The following TUSC3 variants were observed in gnomAD, a reference collection of about 807,000 sequenced individuals.
TUSC3 encodes the protein dolichyl-diphosphooligosaccharide--protein glycosyltransferase subunit TUSC3.
Under a neutral mutation model 44.8 loss-of-function variants are expected in TUSC3, and 45 were observed. The observed-to-expected ratio is 1.00, with a 90% CI of 0.79 to 1.29. TUSC3 has a LOEUF of 1.29. TUSC3 is among the 50% of genes most tolerant of loss of function. The pLI is 0.00. For missense variants in TUSC3, 519 were observed against 437.9 expected, an observed-to-expected ratio of 1.19 and a Z score of -1.65; for synonymous variants, 212 against 152.9, an observed-to-expected ratio of 1.39 and a Z score of -2.85.
chr8:15,646,807 G>A (rs1436435631), intron 2 of TUSC3, among the ~76,000 whole-genome samples: 2 of 152,034 alleles, frequency 1.3e-5, no homozygotes, highest in Non-Finnish European at 2.9e-5. Context: ...AAAAATAGCT[G>A]TAAATGTTAT....
intron 6 of TUSC3, among the ~76,000 whole-genome samples, chr8:15,679,913 C>T (rs1808345664): frequency 6.6e-6 from 1 of 152,078 alleles, no homozygotes; most frequent in Non-Finnish European, 1.5e-5. Context: ...AACTTTACTT[C>T]TGGGTCGTCT....
chr8:15,820,231 T>A, the TUSC3 span, among the ~76,000 whole-genome samples: 21,330 of 152,062 alleles, frequency 0.14, 1,655 homozygotes, highest in East Asian at 0.25. Context: ...ATGCTTCTTA[T>A]ATATTGTTGG....
At chr8:15,755,035 T>C (rs1302688802) in intron 9 of TUSC3, among the ~76,000 whole-genome samples, 1 of 152,128 alleles carries the variant, frequency 6.6e-6, no homozygotes. Context: ...TAAATATTTA[T>C]CCTATAGTCT....
At chr8:15,823,487 G>T in the TUSC3 span, among the ~76,000 whole-genome samples, 1 of 152,006 alleles carries the variant, frequency 6.6e-6, no homozygotes, top group Non-Finnish European at 1.5e-5. Context: ...TTTCCTCCAA[G>T]ATATTGAAGT....
chr8:15,738,805 A>C (rs1811045721), intron 7 of TUSC3, among the ~76,000 whole-genome samples: 1 of 134,754 alleles, frequency 7.4e-6, no homozygotes, highest in Non-Finnish European at 1.6e-5. Context: ...TATGGTGACA[A>C]AATTACTATT....
intron 1 of TUSC3, among the ~76,000 whole-genome samples, chr8:15,567,359 A>G (rs1354931404): frequency 6.6e-6 from 1 of 152,158 alleles, no homozygotes; most frequent in Non-Finnish European, 1.5e-5. Flanking sequence ...CAGTAGTTTA[A>G]AACGTTTTCT....
chr8:15,422,707 A>G (rs562807647), intron 1 of TUSC3, among the ~76,000 whole-genome samples: 13 of 152,228 alleles, frequency 8.5e-5, no homozygotes, highest in African/African-American at 3.1e-4. Context: ...GCTGGGGTAC[A>G]GTGATATGAT....
intron 1 of TUSC3, among the ~76,000 whole-genome samples, chr8:15,475,073 C>T (rs569523083): frequency 1.3e-5 from 2 of 152,252 alleles, no homozygotes; most frequent in South Asian, 4.1e-4. Flanking sequence ...TAGGCGCCCC[C>T]TTTATACACA....
chr8:15,529,947 G>GCCACC (rs528852746), intron 2 of TUSC3, among the ~76,000 whole-genome samples: 966 of 25,094 alleles, frequency 0.038, 2 homozygotes, highest in Middle Eastern at 0.11. Context: ...ACAGGCGCCC[G>GCCACC]GCTAATTTTT....
At chr8:15,471,562 C>T (rs1800494216) in intron 1 of TUSC3, among the ~76,000 whole-genome samples, 1 of 151,340 alleles carries the variant, frequency 6.6e-6, no homozygotes, top group Non-Finnish European at 1.5e-5. Flanking sequence ...ACATGAAAGA[C>T]TTTATGAATC....
chr8:15,584,377 T>G (rs75867275), intron 1 of TUSC3, among the ~76,000 whole-genome samples: 1 of 152,214 alleles, frequency 6.6e-6, no homozygotes, highest in Non-Finnish European at 1.5e-5. Flanking sequence ...GGAATTGTCT[T>G]ACAATTCTCT....
At chr8:15,465,620 A>G (rs929373683) in intron 1 of TUSC3, among the ~76,000 whole-genome samples, 1 of 152,216 alleles carries the variant, frequency 6.6e-6, no homozygotes, top group African/African-American at 2.4e-5. Flanking sequence ...CCCATACTGA[A>G]TTATAAAAGG....
chr8:15,609,318 A>G (rs1304886573), intron 1 of TUSC3, among the ~76,000 whole-genome samples: 1 of 152,184 alleles, frequency 6.6e-6, no homozygotes, highest in African/African-American at 2.4e-5. Context: ...ATAATGTATT[A>G]CTACAATAGA....
At chr8:15,694,553 C>T (rs1484270685) in intron 6 of TUSC3, among the ~76,000 whole-genome samples, 4 of 151,138 alleles carry the variant, frequency 2.6e-5, no homozygotes, top group African/African-American at 7.3e-5. Flanking sequence ...TTTTTATCTT[C>T]GTGGGCTGAT....
At chr8:15,748,531 A>G (rs1811522702) in intron 9 of TUSC3, 66 bp downstream of exon 9, 1 of 1,348,196 alleles carries the variant, frequency 7.4e-7, no homozygotes, top group Non-Finnish European at 1.1e-6. Flanking sequence ...TCAGTGGTTA[A>G]TATATAATTA....
chr8:15,735,818 G>T (rs62503673), intron 7 of TUSC3, among the ~76,000 whole-genome samples: 2 of 152,004 alleles, frequency 1.3e-5, no homozygotes, highest in East Asian at 3.9e-4. Flanking sequence ...TCCTGCCTCA[G>T]CCTCCCAAGT....
chr8:15,567,708 T>G (rs368208947), intron 1 of TUSC3, among the ~76,000 whole-genome samples: 1 of 152,208 alleles, frequency 6.6e-6, no homozygotes, highest in South Asian at 2.1e-4. Context: ...TGAGGATGGA[T>G]GTCTACATAG....
chr8:15,826,300 C>T, the TUSC3 span, among the ~76,000 whole-genome samples: 1 of 152,182 alleles, frequency 6.6e-6, no homozygotes, highest in African/African-American at 2.4e-5. Flanking sequence ...TGGCCTGCCA[C>T]ACCTCAACTA....
intron 1 of TUSC3, among the ~76,000 whole-genome samples, chr8:15,439,744 T>G (rs774602603): frequency 1.4e-4 from 21 of 152,230 alleles, no homozygotes; most frequent in Non-Finnish European, 2.9e-4. Flanking sequence ...ATCTCTTTTA[T>G]CTTAATAAGT....
Sources: gnomAD v4.1 joint callset for allele counts (sites outside exome capture counted in the v4.1 genomes callset) on GRCh38, gnomAD v4.1.1 for gene constraint, MANE v1.5 for transcripts, NCBI Gene and HGNC (gene_info 2026-07-23, HGNC 2026-07-21) for gene names.